The following IGHMBP2 variants were observed in gnomAD, a reference collection of about 807,000 sequenced individuals.
The protein encoded by IGHMBP2 is immunoglobulin mu DNA binding protein 2.
IGHMBP2 carries 81 observed loss-of-function variants against 96.0 expected under a neutral mutation model. The ratio of observed to expected loss-of-function variants is 0.84; its 90% CI spans 0.71 to 1.01. The LOEUF (loss-of-function observed/expected upper bound fraction) is 1.01. Among genes scored for constraint, IGHMBP2 ranks in the 50% least tolerant of loss-of-function variants. IGHMBP2 has a pLI of 0.00. For missense variants in IGHMBP2, 1,227 were observed against 1,306.3 expected (o/e 0.94, Z 0.94); for synonymous variants, 557 against 548.9 (o/e 1.01, Z -0.21).
chr11:68,914,801 G>C, intron 5 of IGHMBP2, 22 bp from the exon 6 acceptor site: 1 of 1,613,734 alleles, frequency 6.2e-7, no homozygotes, highest in Non-Finnish European at 8.5e-7. Context: ...TAAATGACCA[G>C]ATCCTAACTT....
intron 2 of IGHMBP2, among the ~76,000 whole-genome samples, chr11:68,907,264 C>G (rs1369103743): frequency 6.6e-6 from 1 of 152,094 alleles, no homozygotes; most frequent in Admixed American, 6.6e-5. Context: ...TCTCTCAAAA[C>G]AGACAAAAAC....
intron 8 of IGHMBP2, chr11:68,929,933 G>A: frequency 1.0e-6 from 1 of 983,996 alleles, no homozygotes; most frequent in African/African-American, 1.8e-5. Context: ...GCAGTGGCCT[G>A]GCCCAGGCTG....
chr11:68,912,006 C>T, intron 5 of IGHMBP2, among the ~76,000 whole-genome samples: 1 of 152,284 alleles, frequency 6.6e-6, no homozygotes, highest in East Asian at 1.9e-4. Flanking sequence ...GAGGTGTTAA[C>T]AGCTAATCAG....
At chr11:68,928,879 T>C (rs1322145937) in intron 7 of IGHMBP2, among the ~76,000 whole-genome samples, 1 of 152,194 alleles carries the variant, frequency 6.6e-6, no homozygotes, top group African/African-American at 2.4e-5. Flanking sequence ...TGAGTTACAA[T>C]ATTTAGAACT....
In IGHMBP2 at chr11:68,934,502, G is replaced by T; in HGVS notation, c.1576G>T (p.Val526Leu). The T allele has an allele frequency of 6.2e-7, 1 of 1,612,850 alleles. No individual in the cohort carries two copies. The highest frequency in any genetic ancestry group is 8.5e-7 in the Non-Finnish European group (1 of 1,179,416). Reference protein sequence around the residue: ...RLVSLHIQALVDAGVPARDIA... With the variant: ...RLVSLHIQALLDAGVPARDIA... ...CGTCAGTTTGCACATCCAGGCTCTG[G>T]TGGACGCTGGTGTTCCAGCCCGTGA... Residue 526 changes from valine (V) to leucine (L), a missense_variant, in exon 11 of 15, where the codon GTG becomes TTG. Val to Leu is a conservative substitution (Grantham distance 32, BLOSUM62 1). This residue lies in a region of IGHMBP2 where 703 missense variants were observed against 770.3 expected (regional missense o/e 0.91). Transcript: ENST00000255078.
chr11:68,922,629 C>T (rs1261554655), intron 7 of IGHMBP2, among the ~76,000 whole-genome samples: 5 of 152,150 alleles, frequency 3.3e-5, no homozygotes, highest in South Asian at 4.1e-4. Context: ...CTCCTGACCT[C>T]GTGATCCGCC....
chr11:68,931,321 A>C (rs531088003), intron 8 of IGHMBP2, among the ~76,000 whole-genome samples: 1 of 152,232 alleles, frequency 6.6e-6, no homozygotes, highest in East Asian at 1.9e-4. Flanking sequence ...GCTGCACCCA[A>C]GAGCTCCCGA....
In IGHMBP2 at chr11:68,939,984, C is replaced by T; in HGVS notation, c.*253C>T. The T allele has an allele frequency of 1.8e-6, 1 of 549,480 alleles. No homozygotes were observed. Among genetic ancestry groups the T allele is most frequent in the South Asian group, 2.3e-5 (1 of 43,726 alleles). The allele number at this position is 549,480 out of a possible 1,614,324, so 34.0% of individuals were successfully genotyped here. On this transcript the variant is annotated 3_prime_UTR_variant, in exon 15 of 15. Transcript: ENST00000255078. ...GCTTGGGAAATGCACGTCCCTTCCC[C>T]TTACTCCCCGCCAAAACCCACATCC...
intron 5 of IGHMBP2, among the ~76,000 whole-genome samples, chr11:68,913,849 A>C (rs1858542490): frequency 6.6e-6 from 1 of 152,278 alleles, no homozygotes; most frequent in Admixed American, 6.5e-5. Context: ...GAGCCCAGAA[A>C]GTCACGAAAC....
At chr11:68,934,730 G>T (rs541866480) in intron 11 of IGHMBP2, among the ~76,000 whole-genome samples, 172 bp downstream of exon 11, 1 of 152,216 alleles carries the variant, frequency 6.6e-6, no homozygotes, top group Non-Finnish European at 1.5e-5. Flanking sequence ...GCCCCTCTGC[G>T]TGTTCGTCTG....
At chr11:68,926,035 T>C (rs1859053981) in intron 7 of IGHMBP2, among the ~76,000 whole-genome samples, 1 of 152,138 alleles carries the variant, frequency 6.6e-6, no homozygotes, top group African/African-American at 2.4e-5. Flanking sequence ...TCTGCCCTTA[T>C]TCTACTCTCG....
At chr11:68,926,776 A>T (rs1859086282) in intron 7 of IGHMBP2, among the ~76,000 whole-genome samples, 1 of 150,990 alleles carries the variant, frequency 6.6e-6, no homozygotes, top group Non-Finnish European at 1.5e-5. Flanking sequence ...TATTTATTTA[A>T]TTTTTTGGAG....
In IGHMBP2 at chr11:68,939,432, C is replaced by G. The variant is rs1407380203; in HGVS notation, c.2785-102C>G. 1.1e-5 allele frequency: 14 copies of G among 1,250,562 alleles called. 1 individual carries two copies. Among genetic ancestry groups the G allele is most frequent in the Non-Finnish European group, 1.5e-5 (13 of 868,642 alleles). 77.5% of individuals were successfully genotyped at this position (1,250,562 alleles called of 1,614,324 possible). Reference sequence around the variant, plus strand: ...GACATGGCGGGAGGAGTGGCCTTCTCTGTTGGGGCGCCTGTGGCCCCCCAG... The same window carrying G: ...GACATGGCGGGAGGAGTGGCCTTCTGTGTTGGGGCGCCTGTGGCCCCCCAG... On this transcript the variant is annotated intron_variant, in intron 14 of 14. Coordinates refer to ENST00000255078, the MANE Select transcript of IGHMBP2 (RefSeq NM_002180.3).
intron 14 of IGHMBP2, among the ~76,000 whole-genome samples, chr11:68,938,617 T>C (rs956874351): frequency 2.0e-5 from 3 of 152,244 alleles, no homozygotes; most frequent in Non-Finnish European, 4.4e-5. Context: ...CCCAGTGTCC[T>C]TGGGTTCTGT....
chr11:68,907,305 G>A (rs1206808836), intron 2 of IGHMBP2, among the ~76,000 whole-genome samples: 2 of 152,278 alleles, frequency 1.3e-5, no homozygotes, highest in East Asian at 3.9e-4. Flanking sequence ...CTCTCTTTAT[G>A]TTTCTATGTA....
At chr11:68,907,800 C>T (rs1858260116) in intron 2 of IGHMBP2, among the ~76,000 whole-genome samples, 2 of 152,002 alleles carry the variant, frequency 1.3e-5, no homozygotes, top group African/African-American at 2.4e-5. Context: ...TGGCTCACTG[C>T]AGCCTCAGCC....
At position 68,929,164 on chromosome 11, in the gene IGHMBP2, G is replaced by A. The variant is rs775305272; in HGVS notation, c.1061-19G>A. On this transcript the variant is annotated intron_variant, in intron 7 of 14. Coordinates refer to ENST00000255078, the MANE Select transcript of IGHMBP2 (RefSeq NM_002180.3). ...AGCAGCTGTGCCCCTGGAGACTCCC[G>A]GCTCCCTGTTTCCACCAGGTGCGTC... The A allele has an allele frequency of 1.3e-5, 21 of 1,609,940 alleles. No individual in the cohort carries two copies. The highest frequency in any genetic ancestry group is 8.0e-5 in the African/African-American group (6 of 74,912).
intron 2 of IGHMBP2, chr11:68,906,475 G>A (rs1858198939): frequency 1.8e-6 from 1 of 558,588 alleles, no homozygotes; most frequent in East Asian, 3.1e-5. Flanking sequence ...GCTTGTAATT[G>A]CCGCAGATAC....
intron 13 of IGHMBP2, 85 bp from the exon 14 acceptor site, chr11:68,938,097 C>A (rs1356077833): frequency 1.4e-6 from 2 of 1,466,148 alleles, no homozygotes; most frequent in Non-Finnish European, 1.9e-6. Flanking sequence ...AGCCACCGTG[C>A]TTAGCCATGA....
Sources: gnomAD v4.1 joint callset for allele counts (sites outside exome capture counted in the v4.1 genomes callset) on GRCh38, gnomAD v4.1.1 for gene constraint, gnomAD v4.1.1 regional missense constraint, MANE v1.5 for transcripts, NCBI Gene and HGNC (gene_info 2026-07-23, HGNC 2026-07-21) for gene names.